NLGN1: variants seen among roughly 807,000 people sequenced by gnomAD.
The protein encoded by NLGN1 is neuroligin 1, also known as neuroligin-1.
NLGN1 carries 12 observed loss-of-function variants against 65.5 expected under a neutral mutation model. The observed-to-expected ratio is 0.18, with a 90% CI of 0.12 to 0.30. The LOEUF is 0.30. Ranked by LOEUF, NLGN1 falls within the 10% of genes least tolerant of loss-of-function variation. NLGN1 has a pLI of 1.00. For synonymous variants in NLGN1, 350 were observed against 359.5 expected, an observed-to-expected ratio of 0.97 and a Z score of 0.30; for missense variants, 750 against 1,007.1, an observed-to-expected ratio of 0.74 and a Z score of 3.46.
At chr3:174,038,371 G>A (rs1328090138) in intron 4 of NLGN1, among the ~76,000 whole-genome samples, 2 of 152,034 alleles carry the variant, frequency 1.3e-5, no homozygotes, top group Admixed American at 6.6e-5. Flanking sequence ...TCTCTTACTT[G>A]GCTCTCAGTT....
At chr3:174,178,511 G>A (rs1392434542) in intron 4 of NLGN1, among the ~76,000 whole-genome samples, 1 of 152,032 alleles carries the variant, frequency 6.6e-6, no homozygotes, top group Non-Finnish European at 1.5e-5. Context: ...CAGTAAATCC[G>A]GTGCTTAAAG....
In NLGN1 at chr3:173,728,740, A is replaced by G. The variant is rs373073322; in HGVS notation, c.494-78940A>G. ...AAGCAGACATTTAAATGAGGCAGCT[A>G]TAAGTCAAGCAATGCTAAGGATTGC... On this transcript the variant is annotated intron_variant, in intron 3 of 6. Transcript: ENST00000457714. Among the ~76,000 whole-genome samples the G allele has an allele frequency of 4.9e-4, 74 of 152,226 alleles. 1 individual carries two copies. The South Asian group carries it at 0.014, about 30-fold the overall frequency.
Position 174,102,592 on chromosome 3 carries a change from A to T in NLGN1, c.647-172723A>T, listed in dbSNP as rs552408060. 3.3e-5 allele frequency among the ~76,000 whole-genome samples: 5 copies of T among 152,058 alleles called. No individual in the cohort carries two copies. In the South Asian group the frequency reaches 1.0e-3, roughly 32 times the overall value. On this transcript the variant is annotated intron_variant, in intron 4 of 6. Transcript: ENST00000457714. The stretch of plus-strand genomic sequence containing the variant: ...AAGAAAAATGACGATAGGAATAAAA[A>T]CTCTTCTGGTTAAAAAAATAACGAA...
At chr3:173,949,089 A>G (rs887763184) in intron 4 of NLGN1, among the ~76,000 whole-genome samples, 1 of 152,124 alleles carries the variant, frequency 6.6e-6, no homozygotes, top group African/African-American at 2.4e-5. Context: ...AAACAGCTAA[A>G]CAAGATAATC....
chr3:173,620,234 A>T (rs1753769176), intron 3 of NLGN1, among the ~76,000 whole-genome samples: 1 of 152,178 alleles, frequency 6.6e-6, no homozygotes, highest in South Asian at 2.1e-4. Flanking sequence ...TGAAGGCCTT[A>T]CCCAAGGCAA....
intron 3 of NLGN1, among the ~76,000 whole-genome samples, chr3:173,748,389 A>G (rs1775840612): frequency 6.6e-6 from 1 of 152,130 alleles, no homozygotes; most frequent in Non-Finnish European, 1.5e-5. Context: ...TATGTGCAGA[A>G]CAACTAGACT....
chr3:173,690,749 CA>C (rs1402999942), intron 3 of NLGN1, among the ~76,000 whole-genome samples: 1 of 152,016 alleles, frequency 6.6e-6, no homozygotes, highest in Non-Finnish European at 1.5e-5. Context: ...AATAAATGCA[CA>C]ACGAGGCATA....
intron 4 of NLGN1, among the ~76,000 whole-genome samples, chr3:174,226,414 G>T (rs1227002442): frequency 6.6e-6 from 1 of 152,094 alleles, no homozygotes; most frequent in Non-Finnish European, 1.5e-5. Flanking sequence ...GGTTGAGAGG[G>T]ATTTTTCCAG....
intron 3 of NLGN1, among the ~76,000 whole-genome samples, chr3:173,781,711 C>A (rs2150322480): frequency 6.6e-6 from 1 of 152,178 alleles, no homozygotes; most frequent in Non-Finnish European, 1.5e-5. Context: ...ATTTGTAGGA[C>A]AAATATGTTT....
At chr3:174,091,289 A>G (rs1744472044) in intron 4 of NLGN1, among the ~76,000 whole-genome samples, 1 of 152,214 alleles carries the variant, frequency 6.6e-6, no homozygotes, top group Non-Finnish European at 1.5e-5. Context: ...GGCGGTTTCT[A>G]TATTTATTCA....
chr3:173,913,004 A>G (rs544484346), intron 4 of NLGN1, among the ~76,000 whole-genome samples: 1 of 152,154 alleles, frequency 6.6e-6, no homozygotes, highest in African/African-American at 2.4e-5. Context: ...CACACCACCA[A>G]CAACAGCGAC....
chr3:173,468,617 C>CT (rs34971509), intron 2 of NLGN1, among the ~76,000 whole-genome samples: 9 of 152,022 alleles, frequency 5.9e-5, no homozygotes, highest in African/African-American at 9.6e-5. Flanking sequence ...GATGAATAAC[C>CT]TTTTTCCGTC....
Position 174,279,603 on chromosome 3 carries a change from G to A in NLGN1, c.1602G>A (p.Met534Ile), listed in dbSNP as rs1751217349. 1.2e-6 allele frequency: 2 copies of A among 1,613,030 alleles called. No homozygotes were observed. The highest frequency in any genetic ancestry group is 2.2e-5 in the East Asian group (1 of 44,828). Residue 534 changes from methionine to isoleucine, a missense_variant, in exon 6 of 7, where the codon ATG becomes ATA. Coordinates refer to ENST00000457714, the Ensembl canonical transcript of NLGN1. This position sits in a 1 kb window ranked among gnomAD's most constrained non-coding sequence, Gnocchi z 4.7. ...GCAATTTCTCCAAAAATGATGTGAT[G>A]CTGAGTGCAGTTGTAATGACATACT...
intron 4 of NLGN1, among the ~76,000 whole-genome samples, chr3:173,944,502 A>G (rs1397747798): frequency 1.3e-5 from 2 of 152,116 alleles, no homozygotes; most frequent in Non-Finnish European, 2.9e-5. Context: ...ATGAAATGTT[A>G]CCAGTCAGTT....
intron 4 of NLGN1, among the ~76,000 whole-genome samples, chr3:173,928,194 A>G (rs1243717386): frequency 6.6e-6 from 1 of 152,190 alleles, no homozygotes; most frequent in Non-Finnish European, 1.5e-5. Flanking sequence ...TTATTTATAT[A>G]TGGAAACCCA....
At chr3:173,765,572 T>G (rs1778662177) in intron 3 of NLGN1, among the ~76,000 whole-genome samples, 1 of 152,092 alleles carries the variant, frequency 6.6e-6, no homozygotes, top group Admixed American at 6.5e-5. Context: ...CCTTGGGAGG[T>G]ATGGCATCTT....
chr3:174,243,997 GA>G (rs1208038570), intron 4 of NLGN1, among the ~76,000 whole-genome samples: 1 of 151,968 alleles, frequency 6.6e-6, no homozygotes, highest in Non-Finnish European at 1.5e-5. Context: ...TATAGGGAAA[GA>G]AAAAAAGCTG....
chr3:173,788,860 A>AAAG (rs1711935040), intron 3 of NLGN1, among the ~76,000 whole-genome samples: 2 of 147,746 alleles, frequency 1.4e-5, no homozygotes, highest in Admixed American at 1.3e-4. Context: ...AAAAAAAAAA[A>AAAG]AAGACCTGAT....
chr3:174,250,585 G>C (rs964092180), intron 4 of NLGN1, among the ~76,000 whole-genome samples: 2 of 152,118 alleles, frequency 1.3e-5, no homozygotes, highest in African/African-American at 4.8e-5. Context: ...CTGAGGTCTG[G>C]AAAAGGAAGA....
Sources: gnomAD v4.1 joint callset for allele counts (sites outside exome capture counted in the v4.1 genomes callset) on GRCh38, gnomAD v4.1.1 for gene constraint, Gnocchi (gnomAD v3.1) non-coding constraint, MANE v1.5 for transcripts, NCBI Gene and HGNC (gene_info 2026-07-23, HGNC 2026-07-21) for gene names.